The following USP6NL variants were observed in gnomAD, a reference collection of about 807,000 sequenced individuals.
The protein encoded by USP6NL is USP6 N-terminal like, also known as USP6 N-terminal-like protein.
A neutral mutation model predicts 61.9 loss-of-function variants in USP6NL; 26 were observed. The ratio of observed to expected loss-of-function variants is 0.42; its 90% CI spans 0.31 to 0.58. The LOEUF is 0.58. USP6NL is among the 20% of genes least tolerant of loss of function. The probability of loss-of-function intolerance (pLI) is 0.16; values close to 1 mark genes in which losing one functional copy is unlikely to be tolerated. For synonymous variants in USP6NL, 432 were observed against 390.1 expected (o/e 1.11, Z -1.27); for missense variants, 1,114 against 1,034.3 (o/e 1.08, Z -1.06).
At chr10:11,483,063 T>C (rs1289467898) in intron 13 of USP6NL, among the ~76,000 whole-genome samples, 1 of 152,206 alleles carries the variant, frequency 6.6e-6, no homozygotes, top group African/African-American at 2.4e-5. Context: ...CACCATGCTG[T>C]ATGACAGCTC....
intron 2 of USP6NL, among the ~76,000 whole-genome samples, chr10:11,544,725 G>A (rs972702070): frequency 2.6e-5 from 4 of 152,086 alleles, no homozygotes; most frequent in African/African-American, 4.8e-5. Flanking sequence ...CTTACCTCAC[G>A]TGATCCACCC....
At chr10:11,582,614 T>A (rs1566197912) in intron 2 of USP6NL, among the ~76,000 whole-genome samples, 1 of 152,226 alleles carries the variant, frequency 6.6e-6, no homozygotes. Context: ...TCAAAGCAGA[T>A]TATATGATAG....
intron 2 of USP6NL, among the ~76,000 whole-genome samples, chr10:11,584,196 A>G (rs1164325148): frequency 1.3e-5 from 2 of 152,362 alleles, no homozygotes; most frequent in East Asian, 3.9e-4. Context: ...CCTGGGTGAC[A>G]GAGCAAGACC....
At chr10:11,552,934 T>C (rs1046191234) in intron 2 of USP6NL, among the ~76,000 whole-genome samples, 2 of 152,194 alleles carry the variant, frequency 1.3e-5, no homozygotes, top group Admixed American at 6.5e-5. Flanking sequence ...CAATAAAGAA[T>C]AATGTATCCA....
chr10:11,567,578 T>C (rs781504487), intron 2 of USP6NL, among the ~76,000 whole-genome samples: 5 of 152,220 alleles, frequency 3.3e-5, no homozygotes, highest in African/African-American at 9.7e-5. Flanking sequence ...GACACAGTTA[T>C]AGAAATTAAC....
At chr10:11,599,109 T>G (rs1838423783) in intron 1 of USP6NL, among the ~76,000 whole-genome samples, 1 of 152,234 alleles carries the variant, frequency 6.6e-6, no homozygotes, top group Admixed American at 6.5e-5. Flanking sequence ...GAAATATACT[T>G]TCTTGATGGT....
intron 14 of USP6NL, among the ~76,000 whole-genome samples, chr10:11,471,593 T>C (rs1197008694): frequency 6.6e-6 from 1 of 152,078 alleles, no homozygotes; most frequent in Non-Finnish European, 1.5e-5. Context: ...CCAACAATGA[T>C]AGACTGGATT....
In USP6NL at chr10:11,481,871, G is replaced by C. The variant is rs769618813; in HGVS notation, c.977C>G (p.Thr326Ser). 6.2e-7 allele frequency: 1 copy of C among 1,612,220 alleles called. No individual in the cohort carries two copies. The highest frequency in any genetic ancestry group is 1.7e-5 in the Admixed American group (1 of 59,848). Residue 326 changes from threonine (T) to serine (S), a missense_variant, in exon 14 of 15, where the codon ACC becomes AGC. Physicochemically the swap from Thr to Ser is moderately conservative, Grantham distance 58. Transcript: ENST00000609104. This position sits in a 1 kb window ranked among gnomAD's most constrained non-coding sequence, Gnocchi z 4.4. The part of the protein sequence containing the change: ...MEELVEFFQE[T>S]LAKDFFFEDD... Reference sequence around the variant, plus strand: ...TTCAAAGAAAAAATCCTTTGCCAGGGTCTCCTGAAAAAATTCTACAAGTTC... The same window carrying C: ...TTCAAAGAAAAAATCCTTTGCCAGGCTCTCCTGAAAAAATTCTACAAGTTC...
At chr10:11,544,347 G>A (rs559741751) in intron 2 of USP6NL, among the ~76,000 whole-genome samples, 7 of 152,276 alleles carry the variant, frequency 4.6e-5, no homozygotes, top group Non-Finnish European at 7.4e-5. Context: ...CAAGGAGACT[G>A]ACTATAAAAA....
At chr10:11,523,177 T>C (rs995478378) in intron 4 of USP6NL, among the ~76,000 whole-genome samples, 2 of 152,216 alleles carry the variant, frequency 1.3e-5, no homozygotes, top group Non-Finnish European at 2.9e-5. Context: ...CTGATTGCAA[T>C]ATTCAGATTG....
chr10:11,557,005 G>A (rs914303833), intron 2 of USP6NL, among the ~76,000 whole-genome samples: 7 of 152,114 alleles, frequency 4.6e-5, no homozygotes, highest in African/African-American at 1.7e-4. Flanking sequence ...TTGGATCACA[G>A]AGAATTTCAG....
intron 6 of USP6NL, among the ~76,000 whole-genome samples, chr10:11,505,644 G>C (rs557621533): frequency 6.6e-6 from 1 of 152,046 alleles, no homozygotes; most frequent in Non-Finnish European, 1.5e-5. Flanking sequence ...AAAGTCTACA[G>C]TAGTCCCACA....
chr10:11,517,532 T>C lies in USP6NL; in HGVS notation c.195+1003A>G, dbSNP rs546756334. On this transcript the variant is annotated intron_variant, in intron 5 of 14. Coordinates refer to ENST00000609104, the MANE Select transcript of USP6NL (RefSeq NM_014688.5). ...CAGAACTAGGCCAGTGCTTGATACA[T>C]AGTTGCTATTCAATTATGTAGATAT... Among the ~76,000 whole-genome samples, 30 of 152,348 alleles carry C rather than the reference T, an allele frequency of 2.0e-4. No individual in the cohort carries two copies. In the South Asian group the frequency reaches 5.6e-3, roughly 28 times the overall value.
rs1047296713 is a variant in USP6NL, at chr10:11,467,747, C to T, written c.1079-3898G>A. 3.9e-5 allele frequency among the ~76,000 whole-genome samples: 6 copies of T among 152,032 alleles called. No individual in the cohort carries two copies. In the East Asian group the frequency reaches 5.8e-4, roughly 15 times the overall value. ...TACAAAAATGACTGAAAGAAATAAA[C>T]GCTAGTAGTCATTAATATAGTTTTT... On this transcript the variant is annotated intron_variant, in intron 14 of 14. Coordinates refer to ENST00000609104, the MANE Select transcript of USP6NL (RefSeq NM_014688.5).
chr10:11,463,342 T>C lies in USP6NL; in HGVS notation c.1586A>G (p.Asn529Ser), dbSNP rs375678156. 8 of 1,613,820 alleles carry C rather than the reference T, an allele frequency of 5.0e-6. No homozygotes were observed. The African/African-American group carries it at 9.3e-5, about 19-fold the overall frequency. ...VPGPAEVRVS[N>S]VRPKMKALDA... Reference sequence around the variant, plus strand: ...CAGGGCCTTCATCTTTGGCCGCACGTTTGACACCCGCACCTCGGCAGGACC... The same window carrying C: ...CAGGGCCTTCATCTTTGGCCGCACGCTTGACACCCGCACCTCGGCAGGACC... The change falls in exon 15 of 15, where the codon AAC becomes AGC. Residue 529 changes from asparagine to serine, a missense_variant. Physicochemically the swap from Asn to Ser is conservative, Grantham distance 46. Transcript: ENST00000609104. This position sits in a 1 kb window ranked among gnomAD's most constrained non-coding sequence, Gnocchi z 6.3.
chr10:11,477,955 T>TA (rs1423058827), intron 14 of USP6NL, among the ~76,000 whole-genome samples: 3 of 151,998 alleles, frequency 2.0e-5, no homozygotes, highest in Non-Finnish European at 4.4e-5. Flanking sequence ...AAAAAACAGA[T>TA]AGGATGCATG....
chr10:11,609,110 G>C (rs1009730608), intron 1 of USP6NL, among the ~76,000 whole-genome samples: 1 of 152,048 alleles, frequency 6.6e-6, no homozygotes, highest in Non-Finnish European at 1.5e-5. Context: ...TGTGGCCCAG[G>C]TTGGAGTGCA....
chr10:11,470,639 C>A lies in USP6NL; in HGVS notation c.1079-6790G>T, dbSNP rs948377401. Among the ~76,000 whole-genome samples the A allele has an allele frequency of 6.6e-6, 1 of 152,188 alleles. No individual in the cohort carries two copies. The highest frequency in any genetic ancestry group is 6.5e-5 in the Admixed American group (1 of 15,290). ...GCCTGCTTGAACTACCACCCCTAAC[C>A]CCACCACACAAACACTGCTCTACTT... is the stretch of plus-strand genomic sequence containing the variant. On this transcript the variant is annotated intron_variant, in intron 14 of 14. Coordinates refer to ENST00000609104, the MANE Select transcript of USP6NL (RefSeq NM_014688.5). The surrounding 1 kb of genome is among the most constrained non-coding windows in gnomAD (Gnocchi z 5.4).
intron 6 of USP6NL, among the ~76,000 whole-genome samples, chr10:11,501,989 T>C (rs1019984765): frequency 6.6e-6 from 1 of 152,224 alleles, no homozygotes. Context: ...CTGGGCGCAG[T>C]GGCTCACGCC....
Sources: gnomAD v4.1 joint callset for allele counts (sites outside exome capture counted in the v4.1 genomes callset) on GRCh38, gnomAD v4.1.1 for gene constraint, Gnocchi (gnomAD v3.1) non-coding constraint, MANE v1.5 for transcripts, NCBI Gene and HGNC (gene_info 2026-07-23, HGNC 2026-07-21) for gene names.